ZNF780A: variants seen among roughly 807,000 people sequenced by gnomAD.
ZNF780A encodes zinc finger protein 780A.
ZNF780A carries 40 observed loss-of-function variants against 56.7 expected under a neutral mutation model. The ratio of observed to expected loss-of-function variants is 0.71; its 90% CI spans 0.55 to 0.92. The LOEUF (loss-of-function observed/expected upper bound fraction) is 0.92. Among genes scored for constraint, ZNF780A ranks in the 40% least tolerant of loss-of-function variants. ZNF780A has a pLI of 0.00. For synonymous variants in ZNF780A, 231 were observed against 248.3 expected, an observed-to-expected ratio of 0.93 and a Z score of 0.66; for missense variants, 672 against 783.3, an observed-to-expected ratio of 0.86 and a Z score of 1.70.
At position 40,075,187 on chromosome 19, in the gene ZNF780A, A is replaced by G. The variant is rs781654027; in HGVS notation, c.1255T>C (p.Cys419Arg). 3.7e-6 allele frequency: 6 copies of G among 1,613,858 alleles called. No individual in the cohort carries two copies. Among genetic ancestry groups the G allele is most frequent in the South Asian group, 1.1e-5 (1 of 91,070 alleles). The change falls in exon 6 of 6, where the codon TGT (cysteine) becomes CGT (arginine). Residue 419 changes from cysteine to arginine, a missense_variant. Physicochemically the swap from Cys to Arg is radical, Grantham distance 180. Coordinates refer to ENST00000683561, the MANE Select transcript of ZNF780A (RefSeq NM_001142578.2). ...TTAAAGCCTTTCCCACACTCCTTAC[A>G]TTCATATGGTTTTATACCAGCATGA... ...SIHAGIKPYECKECGKGFNRG... is the reference protein window; with the variant it reads ...SIHAGIKPYERKECGKGFNRG...
At chr19:40,070,535 A>G (rs908415545), downstream of ZNF780A, 1 of 152,230 alleles carries the variant, frequency 6.6e-6, no homozygotes, top group Non-Finnish European at 1.5e-5. Context: ...AAGAATTACA[A>G]ATAAAAGGAA....
downstream of ZNF780A, chr19:40,070,665 T>C (rs1973787600): frequency 6.6e-6 from 1 of 152,202 alleles, no homozygotes; most frequent in Non-Finnish European, 1.5e-5. Flanking sequence ...CTTTTAAAAG[T>C]AGTAGGTGAT....
chr19:40,070,461 T>C (rs1444059126), downstream of ZNF780A: 4 of 152,170 alleles, frequency 2.6e-5, no homozygotes, highest in Non-Finnish European at 5.9e-5. Context: ...CAGGTAAAAA[T>C]GTTAATATCA....
downstream of ZNF780A, chr19:40,073,001 A>C: frequency 6.5e-7 from 1 of 1,536,908 alleles, no homozygotes; most frequent in Non-Finnish European, 8.8e-7. Context: ...ATGATATTAC[A>C]GAATTATGAA....
chr19:40,077,571 TG>T (rs1221889034), intron 5 of ZNF780A, among the ~76,000 whole-genome samples: 1 of 152,106 alleles, frequency 6.6e-6, no homozygotes, highest in African/African-American at 2.4e-5. Context: ...TCTCCAACAC[TG>T]GGGATTACAT....
chr19:40,083,076 T>G (rs779869780), intron 4 of ZNF780A, 35 bp downstream of exon 4: 2 of 1,613,794 alleles, frequency 1.2e-6, no homozygotes, highest in African/African-American at 2.7e-5. Flanking sequence ...TTCCAGAAAA[T>G]AGATATAAAA....
chr19:40,075,498 C>T lies in ZNF780A; in HGVS notation c.944G>A (p.Arg315Gln), dbSNP rs907835096. The T allele has an allele frequency of 6.2e-6, 10 of 1,613,168 alleles. No individual in the cohort carries two copies. Among genetic ancestry groups the T allele is most frequent in the South Asian group, 2.2e-5 (2 of 91,044 alleles). The change falls in exon 6 of 6, where the codon CGA becomes CAA. Residue 315 changes from arginine to glutamine, a missense_variant. Physicochemically the swap from Arg to Gln is conservative, Grantham distance 43. Coordinates refer to ENST00000683561, the MANE Select transcript of ZNF780A (RefSeq NM_001142578.2). Reference protein sequence around the residue: ...FVCKECGMAFRYHYQLIEHCQ... With the variant: ...FVCKECGMAFQYHYQLIEHCQ... Reference sequence around the variant, plus strand: ...ATGTTCAATAAGTTGGTAATGATATCGAAAGGCCATCCCACATTCCTTACA... The same window carrying T: ...ATGTTCAATAAGTTGGTAATGATATTGAAAGGCCATCCCACATTCCTTACA...
chr19:40,077,551 C>A (rs539704186), intron 5 of ZNF780A, among the ~76,000 whole-genome samples: 13 of 152,154 alleles, frequency 8.5e-5, no homozygotes, highest in African/African-American at 2.9e-4. Flanking sequence ...TTACCTCCCA[C>A]CAGGCCCCAT....
In ZNF780A at chr19:40,073,932, T is replaced by C. The variant is rs72480744; in HGVS notation, c.*584A>G. ...ATGCTTTCCCATATTCCTTACATTA[T>C]AGCGTTTCTCACCAGTATGAATTTT... On this transcript the variant is annotated 3_prime_UTR_variant, in exon 6 of 6. Coordinates refer to ENST00000683561, the MANE Select transcript of ZNF780A (RefSeq NM_001142578.2). 19 of 1,032,100 alleles carry C rather than the reference T, an allele frequency of 1.8e-5. No individual in the cohort carries two copies. The East Asian group carries it at 7.2e-4, about 39-fold the overall frequency. 63.9% of individuals were successfully genotyped at this position (1,032,100 alleles called of 1,614,324 possible).
At chr19:40,079,830 G>C (rs528838644) in intron 5 of ZNF780A, among the ~76,000 whole-genome samples, 5 of 152,180 alleles carry the variant, frequency 3.3e-5, no homozygotes, top group East Asian at 3.9e-4. Context: ...TACAGCAAAA[G>C]TACTGCTAAG....
chr19:40,080,234 C>G (rs770461848), intron 5 of ZNF780A, among the ~76,000 whole-genome samples: 3 of 152,148 alleles, frequency 2.0e-5, no homozygotes, highest in Non-Finnish European at 4.4e-5. Flanking sequence ...TCTCAAAGAA[C>G]TAATTCTCCT....
At chr19:40,086,147 T>C (rs1974786391) in intron 2 of ZNF780A, among the ~76,000 whole-genome samples, 1 of 152,110 alleles carries the variant, frequency 6.6e-6, no homozygotes, top group Admixed American at 6.5e-5. Flanking sequence ...GAAATCAGCA[T>C]ACTCTAATGA....
intron 5 of ZNF780A, among the ~76,000 whole-genome samples, chr19:40,077,385 T>A (rs920026333): frequency 6.6e-6 from 1 of 152,070 alleles, no homozygotes; most frequent in African/African-American, 2.4e-5. Flanking sequence ...GGACAAAGAA[T>A]GTCACACAGC....
chr19:40,076,424 T>C (rs531564930), intron 5 of ZNF780A, among the ~76,000 whole-genome samples: 1 of 152,238 alleles, frequency 6.6e-6, no homozygotes, highest in African/African-American at 2.4e-5. Context: ...GTTATGTACA[T>C]GTAAAAATAG....
At chr19:40,088,188 T>A (rs1390182902) in intron 2 of ZNF780A, among the ~76,000 whole-genome samples, 1 of 152,112 alleles carries the variant, frequency 6.6e-6, no homozygotes, top group East Asian at 1.9e-4. Context: ...CTAAAAAGCT[T>A]CTGCACAGAA....
At chr19:40,088,586 T>C (rs1469612492) in intron 2 of ZNF780A, among the ~76,000 whole-genome samples, 1 of 152,188 alleles carries the variant, frequency 6.6e-6, no homozygotes, top group Non-Finnish European at 1.5e-5. Flanking sequence ...GAAAACAGTA[T>C]GGAGGTTCCT....
intron 5 of ZNF780A, 131 bp from the exon 6 acceptor site, chr19:40,076,340 A>G (rs1179874076): frequency 2.2e-6 from 2 of 920,502 alleles, no homozygotes; most frequent in Non-Finnish European, 3.1e-6. Context: ...CAAAACCAAC[A>G]AAGTTGGTAG....
At chr19:40,077,419 CAAG>C (rs1396789357) in intron 5 of ZNF780A, among the ~76,000 whole-genome samples, 3 of 152,050 alleles carry the variant, frequency 2.0e-5, no homozygotes, top group East Asian at 3.9e-4. Flanking sequence ...AGAGAGAGAA[CAAG>C]AAGAAGTGCC....
At chr19:40,085,107 A>G (rs1974719692) in intron 2 of ZNF780A, 2 of 976,116 alleles carry the variant, frequency 2.0e-6, no homozygotes, top group Admixed American at 1.2e-4. Flanking sequence ...TGGGATACCT[A>G]TCTTGGCCTA....
Sources: gnomAD v4.1 joint callset for allele counts (sites outside exome capture counted in the v4.1 genomes callset) on GRCh38, gnomAD v4.1.1 for gene constraint, MANE v1.5 for transcripts, NCBI Gene and HGNC (gene_info 2026-07-23, HGNC 2026-07-21) for gene names.